The following MYO1D variants were observed in gnomAD, a reference collection of about 807,000 sequenced individuals.
MYO1D encodes myosin ID, also known as unconventional myosin-Id.
A neutral mutation model predicts 122.0 loss-of-function variants in MYO1D; 83 were observed. That is an observed-to-expected ratio of 0.68 (90% CI 0.57 to 0.82). MYO1D has a LOEUF of 0.82. Ranked by LOEUF, MYO1D falls within the 40% of genes least tolerant of loss-of-function variation. The pLI is 0.00. For synonymous variants in MYO1D, 464 were observed against 446.9 expected, an observed-to-expected ratio of 1.04 and a Z score of -0.48; for missense variants, 1,157 against 1,269.5, an observed-to-expected ratio of 0.91 and a Z score of 1.35.
rs571159322 is a variant in MYO1D, at chr17:32,612,720, A to G, written c.2710-7479T>C. Among the ~76,000 whole-genome samples the G allele has an allele frequency of 2.2e-4, 34 of 151,270 alleles. No individual in the cohort carries two copies. The South Asian group carries it at 7.1e-3, about 32-fold the overall frequency. ...ACAAAAAAAAAAAAAAAAGAAGAAGAAGAAATTAGAAGAGAAAAACTTTTG... is the reference window on the plus strand; with the variant it reads ...ACAAAAAAAAAAAAAAAAGAAGAAGGAGAAATTAGAAGAGAAAAACTTTTG... On this transcript the variant is annotated intron_variant, in intron 20 of 21. Transcript: ENST00000318217.
chr17:32,830,759 AAGC>A (rs2090764279), intron 1 of MYO1D, among the ~76,000 whole-genome samples: 1 of 152,184 alleles, frequency 6.6e-6, no homozygotes, highest in African/African-American at 2.4e-5. Flanking sequence ...TCTACACAAA[AAGC>A]GTTTTTAAAA....
chr17:32,569,202 G>C (rs1310095156), intron 21 of MYO1D, among the ~76,000 whole-genome samples: 3 of 152,194 alleles, frequency 2.0e-5, no homozygotes, highest in Admixed American at 2.0e-4. Flanking sequence ...ATTTCCATGT[G>C]AGTGTATGGA....
intron 20 of MYO1D, among the ~76,000 whole-genome samples, chr17:32,626,017 C>T (rs1054685118): frequency 2.0e-5 from 3 of 152,224 alleles, no homozygotes; most frequent in Non-Finnish European, 4.4e-5. Flanking sequence ...TTTCTGAGCA[C>T]CAGTTTTCTC....
At chr17:32,866,837 A>G (rs1441857306) in intron 1 of MYO1D, among the ~76,000 whole-genome samples, 4 of 152,200 alleles carry the variant, frequency 2.6e-5, no homozygotes. Context: ...GCCACAGGGC[A>G]GGGGGAGGAA....
chr17:32,706,056 G>A (rs1223524750), intron 16 of MYO1D, among the ~76,000 whole-genome samples: 2 of 152,102 alleles, frequency 1.3e-5, no homozygotes, highest in African/African-American at 4.8e-5. Flanking sequence ...AGCAGCATGA[G>A]AACAGACTAA....
chr17:32,717,389 C>G (rs911417712), intron 15 of MYO1D, among the ~76,000 whole-genome samples: 2 of 152,198 alleles, frequency 1.3e-5, no homozygotes, highest in South Asian at 4.1e-4. Flanking sequence ...AGACTTCTTC[C>G]CCACCCTTAC....
intron 21 of MYO1D, among the ~76,000 whole-genome samples, chr17:32,571,709 C>A (rs914975795): frequency 3.9e-5 from 6 of 152,178 alleles, no homozygotes; most frequent in African/African-American, 1.4e-4. Flanking sequence ...AACTCTCTCT[C>A]CCCTGTTCAA....
chr17:32,702,892 T>C (rs2089265350), intron 16 of MYO1D, among the ~76,000 whole-genome samples: 1 of 152,144 alleles, frequency 6.6e-6, no homozygotes, highest in Non-Finnish European at 1.5e-5. Context: ...GGAAAACTCA[T>C]AGCATGGAAC....
chr17:32,872,821 C>T (rs899697562), intron 1 of MYO1D, among the ~76,000 whole-genome samples: 8 of 151,628 alleles, frequency 5.3e-5, no homozygotes, highest in African/African-American at 1.7e-4. Context: ...CTCAGCCTCC[C>T]GAGTAGCTGG....
intron 6 of MYO1D, among the ~76,000 whole-genome samples, chr17:32,769,468 T>C (rs915752882): frequency 6.6e-6 from 1 of 152,204 alleles, no homozygotes; most frequent in Non-Finnish European, 1.5e-5. Context: ...AGACTTTTAA[T>C]TGGGTCTTCT....
chr17:32,643,666 G>C (rs1213804626), intron 19 of MYO1D, among the ~76,000 whole-genome samples: 4 of 152,252 alleles, frequency 2.6e-5, no homozygotes, highest in Admixed American at 1.3e-4. Context: ...TATGTGTCCA[G>C]GAATTTATCC....
At chr17:32,726,439 A>T (rs1376995413) in intron 14 of MYO1D, among the ~76,000 whole-genome samples, 1 of 150,676 alleles carries the variant, frequency 6.6e-6, no homozygotes, top group East Asian at 1.9e-4. Context: ...AGAAAAGAAA[A>T]AGAAAAAAAG....
intron 20 of MYO1D, among the ~76,000 whole-genome samples, chr17:32,627,516 G>A (rs890024699): frequency 6.6e-6 from 1 of 152,150 alleles, no homozygotes; most frequent in African/African-American, 2.4e-5. Context: ...GTCAAATAGA[G>A]CAATAAAGCA....
chr17:32,792,377 G>C (rs548426763), intron 1 of MYO1D: 2 of 152,266 alleles, frequency 1.3e-5, no homozygotes, highest in East Asian at 3.9e-4. Flanking sequence ...AAAGGACAGA[G>C]TTTTATTTTC....
chr17:32,876,771 C>A lies in MYO1D; in HGVS notation c.95+7G>T, dbSNP rs2091236488. ...CGCGCCCCTGCGCGCGGCCGCTCCG[C>A]CCTCACCTGAGCCTGAGGTTGGCCA... On this transcript the variant is annotated splice_region_variant and intron_variant, in intron 1 of 21. Transcript: ENST00000318217. The A allele has an allele frequency of 6.6e-7, 1 of 1,504,606 alleles. No individual in the cohort carries two copies. The highest frequency in any genetic ancestry group is 1.5e-5 in the African/African-American group (1 of 68,726). 93.2% of individuals were successfully genotyped at this position (1,504,606 alleles called of 1,614,324 possible). A position where few individuals can be genotyped will look rare whatever the true frequency, so the allele number is the denominator to read the frequency against.
intron 16 of MYO1D, among the ~76,000 whole-genome samples, chr17:32,695,362 T>G (rs1265505733): frequency 6.6e-6 from 1 of 152,248 alleles, no homozygotes; most frequent in Non-Finnish European, 1.5e-5. Flanking sequence ...CCTGCTGCTG[T>G]GCGGCCTGGT....
intron 21 of MYO1D, among the ~76,000 whole-genome samples, chr17:32,526,706 G>A (rs555963346): frequency 6.6e-6 from 1 of 152,082 alleles, no homozygotes; most frequent in South Asian, 2.1e-4. Flanking sequence ...AGGCTGGGGT[G>A]CAGGTGCACA....
rs140824693 is a variant in MYO1D at position 32,689,810 on chromosome 17, C to G, written c.2121+22178G>C. Among the ~76,000 whole-genome samples the G allele has an allele frequency of 7.4e-3, 1,127 of 152,136 alleles. 20 individuals are homozygous for G. Among genetic ancestry groups the G allele is most frequent in the African/African-American group, 0.026 (1,076 of 41,484 alleles). ...CTCAGCTCACTGCAACCTCTGCCTCCTGGGTTCAAGCAATTCTCCTGCCTC... is the reference window on the plus strand; with the variant it reads ...CTCAGCTCACTGCAACCTCTGCCTCGTGGGTTCAAGCAATTCTCCTGCCTC... On this transcript the variant is annotated intron_variant, in intron 16 of 21. Transcript: ENST00000318217.
rs1005084922 is a variant in MYO1D, at chr17:32,721,153, T to C, written c.1783A>G (p.Lys595Glu). The change falls in exon 15 of 22, where the codon AAG (lysine) becomes GAG (glutamate). Residue 595 changes from lysine to glutamate, a missense_variant. Lys to Glu is a moderately conservative substitution (Grantham distance 56). Transcript: ENST00000318217. Reference protein sequence around the residue: ...YYVRCIKPNDKKSPQIFDDER... With the variant: ...YYVRCIKPNDEKSPQIFDDER... ...TCATCAAATATCTGTGGAGATTTCT[T>C]GTCATTGGGTTTGATGCAACGAACG... 1 of 1,614,080 alleles carries C rather than the reference T, an allele frequency of 6.2e-7. No individual in the cohort carries two copies. The highest frequency in any genetic ancestry group is 8.5e-7 in the Non-Finnish European group (1 of 1,179,966).
Sources: allele counts gnomAD v4.1 joint callset (sites outside exome capture counted in the v4.1 genomes callset), GRCh38; gene constraint gnomAD v4.1.1; transcripts MANE v1.5; gene names NCBI Gene and HGNC (gene_info 2026-07-23, HGNC 2026-07-21).